Variants in CADM2 observed in about 807,000 individuals in gnomAD.
The protein encoded by CADM2 is immunoglobulin superfamily member 4D.
A neutral mutation model predicts 49.8 loss-of-function variants in CADM2; 12 were observed. The ratio of observed to expected loss-of-function variants is 0.24; its 90% confidence interval spans 0.15 to 0.39. CADM2 has a LOEUF of 0.39. CADM2 is among the 10% of genes least tolerant of loss of function. The pLI, the probability that CADM2 is intolerant of heterozygous loss-of-function variation, is 1.00. For missense variants in CADM2, 378 were observed against 492.3 expected, an observed-to-expected ratio of 0.77 and a Z score of 2.20; for synonymous variants, 214 against 175.4, an observed-to-expected ratio of 1.22 and a Z score of -1.74.
In CADM2 at chr3:85,057,486, A is replaced by ATACTAACTTTGATGTTAGT. The variant is rs540372155; in HGVS notation, c.61+97843_61+97861dup. Among the ~76,000 whole-genome samples the ATACTAACTTTGATGTTAGT allele has an allele frequency of 1.1e-4, 16 of 152,302 alleles. No individual in the cohort carries two copies. The East Asian group carries it at 2.1e-3, about 20-fold the overall frequency. Reference sequence around the variant, plus strand: ...AGTGATGTGAGTATACTAACATCATATACTAACTTTGATGTTAGTTACTAA... The same window carrying ATACTAACTTTGATGTTAGT: ...AGTGATGTGAGTATACTAACATCATATACTAACTTTGATGTTAGTTACTAACTTTGATGTTAGTTACTAA... On this transcript the variant is annotated intron_variant, in intron 1 of 9. Coordinates refer to ENST00000383699, the MANE Select transcript of CADM2 (RefSeq NM_001167675.2).
At chr3:85,589,224 G>T (rs1185363962) in intron 1 of CADM2, among the ~76,000 whole-genome samples, 1 of 151,920 alleles carries the variant, frequency 6.6e-6, no homozygotes, top group African/African-American at 2.4e-5. Flanking sequence ...TTGACTAACT[G>T]CCCAGATGTG....
intron 8 of CADM2, among the ~76,000 whole-genome samples, chr3:86,064,408 G>T (rs1739067045): frequency 6.6e-6 from 1 of 152,230 alleles, no homozygotes; most frequent in South Asian, 2.1e-4. Flanking sequence ...TGACTGCATA[G>T]TATTCCATGG....
chr3:86,015,131 T>C, intron 8 of CADM2: 1 of 519,558 alleles, frequency 1.9e-6, no homozygotes, highest in South Asian at 2.9e-5. Flanking sequence ...AGGAGAGTTT[T>C]AAAAATAGGC....
At chr3:85,370,886 A>C (rs2033178267) in intron 1 of CADM2, among the ~76,000 whole-genome samples, 1 of 152,138 alleles carries the variant, frequency 6.6e-6, no homozygotes, top group Non-Finnish European at 1.5e-5. Context: ...CCTGCAGAGA[A>C]CTGGGCTAAC....
intron 3 of CADM2, among the ~76,000 whole-genome samples, chr3:85,852,609 A>G (rs749079793): frequency 1.3e-5 from 2 of 152,154 alleles, no homozygotes; most frequent in African/African-American, 2.4e-5. Flanking sequence ...ACAAGGATGG[A>G]GACAAGAATA....
chr3:85,880,890 C>T (rs1712658062), intron 3 of CADM2, among the ~76,000 whole-genome samples: 1 of 152,080 alleles, frequency 6.6e-6, no homozygotes, highest in Non-Finnish European at 1.5e-5. Context: ...TTGGGGGTTT[C>T]ACTCAGCTTC....
intron 1 of CADM2, among the ~76,000 whole-genome samples, chr3:85,229,116 A>C (rs1035341906): frequency 6.6e-6 from 1 of 152,178 alleles, no homozygotes; most frequent in Non-Finnish European, 1.5e-5. Flanking sequence ...TGTGAGCATA[A>C]AACTGCCTAT....
At chr3:85,361,848 C>G (rs553433379) in intron 1 of CADM2, among the ~76,000 whole-genome samples, 3 of 152,152 alleles carry the variant, frequency 2.0e-5, no homozygotes, top group Non-Finnish European at 4.4e-5. Context: ...GCTACTTCCA[C>G]AAAAATTTCC....
intron 1 of CADM2, among the ~76,000 whole-genome samples, chr3:85,289,927 A>C (rs1314869363): frequency 1.3e-5 from 2 of 152,274 alleles, no homozygotes; most frequent in South Asian, 2.1e-4. Flanking sequence ...AAGAAGTAGT[A>C]AATGGAGGAG....
chr3:85,798,424 C>A (rs1335834903), intron 2 of CADM2, among the ~76,000 whole-genome samples: 2 of 152,110 alleles, frequency 1.3e-5, no homozygotes, highest in Non-Finnish European at 2.9e-5. Context: ...AATCTTTAAT[C>A]CATCTTGAGT....
intron 1 of CADM2, among the ~76,000 whole-genome samples, chr3:85,322,560 G>T (rs1378041441): frequency 2.0e-5 from 3 of 152,296 alleles, no homozygotes; most frequent in East Asian, 1.9e-4. Context: ...CCAGGCTCAA[G>T]AAATTATTAA....
At chr3:85,373,020 T>C (rs2033363314) in intron 1 of CADM2, among the ~76,000 whole-genome samples, 2 of 152,030 alleles carry the variant, frequency 1.3e-5, no homozygotes, top group Admixed American at 1.3e-4. Flanking sequence ...ATCATTCTGG[T>C]CTTGGCCCCT....
intron 1 of CADM2, among the ~76,000 whole-genome samples, chr3:85,616,592 A>G (rs1431706079): frequency 6.6e-6 from 1 of 152,132 alleles, no homozygotes; most frequent in Non-Finnish European, 1.5e-5. Context: ...CATATAATAA[A>G]TGAGAGAATC....
intron 2 of CADM2, among the ~76,000 whole-genome samples, chr3:85,743,153 T>G (rs1003373200): frequency 1.3e-5 from 2 of 152,204 alleles, no homozygotes; most frequent in Admixed American, 1.3e-4. Context: ...TGCTGATTTT[T>G]TTTTCCTTCC....
At chr3:85,206,798 A>T (rs961087069) in intron 1 of CADM2, among the ~76,000 whole-genome samples, 2 of 151,884 alleles carry the variant, frequency 1.3e-5, no homozygotes, top group Non-Finnish European at 2.9e-5. Flanking sequence ...TCTTTTTATG[A>T]TTTATTAATT....
chr3:85,355,508 C>T (rs113089987), intron 1 of CADM2, among the ~76,000 whole-genome samples: 1 of 151,978 alleles, frequency 6.6e-6, no homozygotes, highest in Non-Finnish European at 1.5e-5. Flanking sequence ...TAGAAGTTAA[C>T]AAGAGATTTT....
chr3:85,847,534 A>AAATTACTTC (rs2074933668), intron 3 of CADM2, among the ~76,000 whole-genome samples: 1 of 152,214 alleles, frequency 6.6e-6, no homozygotes, highest in South Asian at 2.1e-4. Context: ...TAAATTACTT[A>AAATTACTTC]ATCTTAAAAA....
intron 1 of CADM2, among the ~76,000 whole-genome samples, chr3:85,671,553 C>T (rs576914781): frequency 6.6e-6 from 1 of 152,028 alleles, no homozygotes; most frequent in Non-Finnish European, 1.5e-5. Context: ...AACTTTGGAC[C>T]CTCTTTCCAA....
intron 5 of CADM2, among the ~76,000 whole-genome samples, chr3:85,892,062 T>C (rs1455186477): frequency 6.6e-6 from 1 of 152,228 alleles, no homozygotes; most frequent in Non-Finnish European, 1.5e-5. Context: ...TAGCCTTGAA[T>C]ATTCTGATTC....
Sources: allele counts gnomAD v4.1 joint callset (sites outside exome capture counted in the v4.1 genomes callset), GRCh38; gene constraint gnomAD v4.1.1; transcripts MANE v1.5; gene names NCBI Gene and HGNC (gene_info 2026-07-23, HGNC 2026-07-21).